The following C8orf34 variants were observed in gnomAD, a reference collection of about 807,000 sequenced individuals.
C8orf34 encodes chromosome 8 open reading frame 34.
In C8orf34, 65 loss-of-function variants were observed where a neutral mutation model predicts 68.3. The ratio of observed to expected loss-of-function variants is 0.95; its 90% CI spans 0.78 to 1.17. The LOEUF (loss-of-function observed/expected upper bound fraction) is 1.17. Among genes scored for constraint, C8orf34 ranks in the 50% most tolerant of loss-of-function variants. The probability of loss-of-function intolerance (pLI) is 0.00; values close to 1 mark genes in which losing one functional copy is unlikely to be tolerated. For synonymous variants in C8orf34, 244 were observed against 241.2 expected (o/e 1.01, Z -0.11); for missense variants, 664 against 655.4 (o/e 1.01, Z -0.14).
intron 7 of C8orf34, among the ~76,000 whole-genome samples, chr8:68,567,427 C>T (rs1380260213): frequency 6.6e-6 from 1 of 152,014 alleles, no homozygotes; most frequent in East Asian, 1.9e-4. Flanking sequence ...TCATGGTAGC[C>T]TCGAATGATG....
intron 11 of C8orf34, among the ~76,000 whole-genome samples, chr8:68,778,940 G>T (rs1409489060): frequency 1.3e-5 from 2 of 152,064 alleles, no homozygotes; most frequent in Non-Finnish European, 2.9e-5. Context: ...ACTTTGGGAG[G>T]CTGAGGCAGG....
At chr8:68,472,717 G>A (rs374303182) in intron 4 of C8orf34, among the ~76,000 whole-genome samples, 71 of 152,074 alleles carry the variant, frequency 4.7e-4, no homozygotes, top group African/African-American at 1.4e-3. Flanking sequence ...AAAGGCAAAA[G>A]GAAACGTGAA....
intron 10 of C8orf34, among the ~76,000 whole-genome samples, chr8:68,750,655 A>G (rs1299628981): frequency 2.0e-5 from 3 of 152,176 alleles, no homozygotes; most frequent in Non-Finnish European, 2.9e-5. Flanking sequence ...TGTGATCCGC[A>G]AACAGAAAGT....
intron 7 of C8orf34, among the ~76,000 whole-genome samples, chr8:68,591,102 A>G (rs1287845262): frequency 6.6e-6 from 1 of 152,158 alleles, no homozygotes; most frequent in Non-Finnish European, 1.5e-5. Flanking sequence ...ACTCCTCTGC[A>G]TACCCTGCCA....
At chr8:68,393,322 T>C (rs1808550768) in intron 1 of C8orf34, among the ~76,000 whole-genome samples, 1 of 152,144 alleles carries the variant, frequency 6.6e-6, no homozygotes, top group Non-Finnish European at 1.5e-5. Context: ...TTGGCAGAGT[T>C]GTTCACTGCT....
At chr8:68,495,504 A>G (rs1426511901) in intron 5 of C8orf34, among the ~76,000 whole-genome samples, 1 of 152,206 alleles carries the variant, frequency 6.6e-6, no homozygotes, top group Admixed American at 6.5e-5. Context: ...TTGACAGGTG[A>G]GGAAATTAAG....
At chr8:68,715,848 A>T (rs971133896) in intron 9 of C8orf34, among the ~76,000 whole-genome samples, 1 of 152,196 alleles carries the variant, frequency 6.6e-6, no homozygotes, top group African/African-American at 2.4e-5. Context: ...CCATTATATG[A>T]AAAAGATATT....
intron 7 of C8orf34, among the ~76,000 whole-genome samples, chr8:68,619,685 C>G (rs1818331069): frequency 6.6e-6 from 1 of 152,156 alleles, no homozygotes; most frequent in South Asian, 2.1e-4. Flanking sequence ...ACATATTCAT[C>G]TTAAAGAAAG....
At chr8:68,541,680 A>G (rs17385104) in intron 7 of C8orf34, among the ~76,000 whole-genome samples, 7,678 of 152,266 alleles carry the variant, frequency 0.05, 250 homozygotes, top group Middle Eastern at 0.11. Context: ...AATTATTTCA[A>G]CAAGTACCAT....
At chr8:68,344,400 A>G (rs1806196188) in intron 1 of C8orf34, among the ~76,000 whole-genome samples, 1 of 152,212 alleles carries the variant, frequency 6.6e-6, no homozygotes, top group Non-Finnish European at 1.5e-5. Flanking sequence ...GGGATGGAGT[A>G]GGGAAATGAG....
chr8:68,586,677 G>A (rs1200568948), intron 7 of C8orf34, among the ~76,000 whole-genome samples: 1 of 152,080 alleles, frequency 6.6e-6, no homozygotes, highest in East Asian at 1.9e-4. Flanking sequence ...GAGCACCAAT[G>A]TTGGTTTGTA....
At chr8:68,500,507 TG>T (rs1384302063) in intron 5 of C8orf34, among the ~76,000 whole-genome samples, 1 of 152,226 alleles carries the variant, frequency 6.6e-6, no homozygotes, top group Admixed American at 6.5e-5. Context: ...TATTATACTT[TG>T]ACCATATAAG....
chr8:68,405,692 A>G (rs1001819929), intron 1 of C8orf34, among the ~76,000 whole-genome samples: 7 of 152,350 alleles, frequency 4.6e-5, no homozygotes, highest in Non-Finnish European at 1.0e-4. Flanking sequence ...GGTAAAACAC[A>G]CAAGATAAAA....
At chr8:68,393,410 A>G (rs1284046191) in intron 1 of C8orf34, among the ~76,000 whole-genome samples, 2 of 152,152 alleles carry the variant, frequency 1.3e-5, no homozygotes, top group African/African-American at 4.8e-5. Context: ...AAAGCACAGG[A>G]ATGTGAACAG....
chr8:68,489,575 T>C (rs1217959946), intron 5 of C8orf34, among the ~76,000 whole-genome samples: 1 of 152,204 alleles, frequency 6.6e-6, no homozygotes, highest in Non-Finnish European at 1.5e-5. Flanking sequence ...ATTTTGTGCA[T>C]GAAACAAAGT....
At chr8:68,511,815 A>C (rs921660212) in intron 5 of C8orf34, among the ~76,000 whole-genome samples, 6 of 152,208 alleles carry the variant, frequency 3.9e-5, no homozygotes, top group Admixed American at 1.3e-4. Context: ...TAACTTACTC[A>C]ATTATTAAAG....
At chr8:68,605,701 T>G (rs912357353) in intron 7 of C8orf34, among the ~76,000 whole-genome samples, 1 of 152,132 alleles carries the variant, frequency 6.6e-6, no homozygotes, top group African/African-American at 2.4e-5. Flanking sequence ...AAAGAATCAG[T>G]GTTTGCCAGG....
intron 11 of C8orf34, 133 bp downstream of exon 11, chr8:68,776,582 A>G (rs1230302726): frequency 9.5e-6 from 6 of 632,194 alleles, no homozygotes; most frequent in Non-Finnish European, 1.6e-5. Flanking sequence ...GTCCACAAAA[A>G]CAGGATAATA....
intron 1 of C8orf34, among the ~76,000 whole-genome samples, chr8:68,352,476 A>G (rs949852563): frequency 4.6e-5 from 7 of 152,050 alleles, no homozygotes; most frequent in African/African-American, 1.7e-4. Flanking sequence ...ACATTATGCA[A>G]AGTTATCCTC....
Sources: allele counts gnomAD v4.1 joint callset (sites outside exome capture counted in the v4.1 genomes callset), GRCh38; gene constraint gnomAD v4.1.1; transcripts MANE v1.5; gene names NCBI Gene and HGNC (gene_info 2026-07-23, HGNC 2026-07-21).